XYLT1: variants seen among roughly 807,000 people sequenced by gnomAD.
The protein encoded by XYLT1 is xylosyltransferase 1, also known as beta-D-xylosyltransferase 1.
In XYLT1, 36 loss-of-function variants were observed where a neutral mutation model predicts 91.3. The observed-to-expected ratio is 0.39, with a 90% CI of 0.30 to 0.52. XYLT1 has a LOEUF of 0.52. Ranked by LOEUF, XYLT1 falls within the 20% of genes least tolerant of loss-of-function variation. The probability of loss-of-function intolerance (pLI) is 0.68; values close to 1 mark genes in which losing one functional copy is unlikely to be tolerated. For synonymous variants in XYLT1, 588 were observed against 532.0 expected (o/e 1.11, Z -1.45); for missense variants, 1,242 against 1,284.5 (o/e 0.97, Z 0.51).
chr16:17,303,237 G>A (rs2034423880), intron 2 of XYLT1, among the ~76,000 whole-genome samples: 2 of 152,196 alleles, frequency 1.3e-5, no homozygotes, highest in South Asian at 4.1e-4. Context: ...ACAGCTTTAA[G>A]ACCAAATCTG....
chr16:17,369,282 A>T (rs1467404465), intron 1 of XYLT1, among the ~76,000 whole-genome samples: 1 of 152,104 alleles, frequency 6.6e-6, no homozygotes, highest in Non-Finnish European at 1.5e-5. Flanking sequence ...GGCACATGCT[A>T]CTAAGCCTGG....
chr16:17,184,987 C>T (rs1435965547), intron 5 of XYLT1, among the ~76,000 whole-genome samples: 1 of 152,204 alleles, frequency 6.6e-6, no homozygotes, highest in African/African-American at 2.4e-5. Flanking sequence ...TGTCTTCCAC[C>T]ACATCCTTCC....
chr16:17,208,010 T>C (rs112362305), intron 3 of XYLT1, among the ~76,000 whole-genome samples: 46 of 152,274 alleles, frequency 3.0e-4, no homozygotes, highest in African/African-American at 1.0e-3. Context: ...TTTCAGAGAT[T>C]GAGTCTTGCT....
intron 1 of XYLT1, among the ~76,000 whole-genome samples, chr16:17,389,905 G>A (rs1220818327): frequency 6.6e-6 from 1 of 152,164 alleles, no homozygotes; most frequent in East Asian, 1.9e-4. Context: ...TAGTCAACTA[G>A]AAATTCATTT....
Position 17,141,194 on chromosome 16 carries a change from T to C in XYLT1, c.1546A>G (p.Lys516Glu), listed in dbSNP as rs1317621357. ...VTFSTDDLVT[K>E]MKQFYSYTLL... ...GTGTAGGAGTAGAACTGTTTCATCT[T>C]GGTCACCAGATCGTCTGTGGAGAAG... The change falls in exon 7 of 12, where the codon AAG (lysine) becomes GAG (glutamate). Residue 516 changes from lysine (K) to glutamate (E), a missense_variant. Physicochemically the swap from Lys to Glu is moderately conservative, Grantham distance 56. This residue lies in a region of XYLT1 where 294 missense variants were observed against 376.0 expected (regional missense o/e 0.78). Transcript: ENST00000261381. The C allele has an allele frequency of 1.2e-6, 2 of 1,614,234 alleles. No homozygotes were observed. Among genetic ancestry groups the C allele is most frequent in the South Asian group, 1.1e-5 (1 of 91,088 alleles).
intron 3 of XYLT1, among the ~76,000 whole-genome samples, chr16:17,243,712 GCAAT>G (rs2033386180): frequency 6.6e-6 from 1 of 152,192 alleles, no homozygotes; most frequent in Non-Finnish European, 1.5e-5. Flanking sequence ...GCAACGGTCA[GCAAT>G]CAATGTGAGG....
intron 1 of XYLT1, among the ~76,000 whole-genome samples, chr16:17,444,516 T>TC: frequency 6.6e-6 from 1 of 151,000 alleles, no homozygotes; most frequent in South Asian, 2.1e-4. Flanking sequence ...CTTCTTCTTT[T>TC]TTTTTTTTTT....
At chr16:17,349,602 C>T (rs2035192387) in intron 2 of XYLT1, among the ~76,000 whole-genome samples, 1 of 151,622 alleles carries the variant, frequency 6.6e-6, no homozygotes, top group African/African-American at 2.4e-5. Context: ...AATCTTGCTG[C>T]CTTTGCTACC....
rs1567327506 is a variant in XYLT1, at chr16:17,217,963, A to AT, written c.914-17310_914-17309insA. Among the ~76,000 whole-genome samples, 6 of 151,902 alleles carry AT rather than the reference A, an allele frequency of 3.9e-5. No individual in the cohort carries two copies. The East Asian group carries it at 5.8e-4, about 15-fold the overall frequency. On this transcript the variant is annotated intron_variant, in intron 3 of 11. Transcript: ENST00000261381. ...TTTTGAATAATAATAATAATAAAAA[A>AT]AAAAAAAGACAAAAAACGTTGGGGG...
At position 17,307,980 on chromosome 16, in the gene XYLT1, A is replaced by G. The variant is rs554295305; in HGVS notation, c.403-48482T>C. ...AGAGAGACTTGCTATTGGGTATTCT[A>G]TGGACTGCAGATCCATTCCCCACTC... On this transcript the variant is annotated intron_variant, in intron 2 of 11. Coordinates refer to ENST00000261381, the MANE Select transcript of XYLT1 (RefSeq NM_022166.4). Among the ~76,000 whole-genome samples, 20 of 152,262 alleles carry G rather than the reference A, an allele frequency of 1.3e-4. No homozygotes were observed. In the East Asian group the frequency reaches 3.7e-3, roughly 28 times the overall value.
At chr16:17,402,267 C>A (rs1460410970) in intron 1 of XYLT1, among the ~76,000 whole-genome samples, 2 of 151,968 alleles carry the variant, frequency 1.3e-5, no homozygotes, top group Admixed American at 6.6e-5. Context: ...CTGCAGTGAG[C>A]CGTCATTGCC....
intron 3 of XYLT1, among the ~76,000 whole-genome samples, chr16:17,216,616 C>T (rs937604509): frequency 5.9e-5 from 9 of 152,116 alleles, no homozygotes; most frequent in African/African-American, 1.4e-4. Context: ...ATTTACTTTG[C>T]GCTGGTCACT....
At chr16:17,322,316 G>C (rs1261230647) in intron 2 of XYLT1, among the ~76,000 whole-genome samples, 1 of 152,172 alleles carries the variant, frequency 6.6e-6, no homozygotes, top group Non-Finnish European at 1.5e-5. Context: ...GTACCTACCA[G>C]GCAGTGCTCT....
chr16:17,376,376 AGC>A (rs1166047541), intron 1 of XYLT1, among the ~76,000 whole-genome samples: 1 of 152,220 alleles, frequency 6.6e-6, no homozygotes, highest in Non-Finnish European at 1.5e-5. Context: ...AACCACAGCC[AGC>A]CAAGCTTGCA....
intron 5 of XYLT1, among the ~76,000 whole-genome samples, chr16:17,180,008 G>A (rs1311614559): frequency 1.3e-5 from 2 of 152,228 alleles, no homozygotes; most frequent in East Asian, 1.9e-4. Context: ...GGGTAGCTGA[G>A]CATCTGCTCA....
chr16:17,455,483 G>A (rs2036728193), intron 1 of XYLT1, among the ~76,000 whole-genome samples: 1 of 152,072 alleles, frequency 6.6e-6, no homozygotes, highest in Non-Finnish European at 1.5e-5. Context: ...GGGCACAGCA[G>A]CTCACACCTG....
At chr16:17,434,763 G>A (rs1018211311) in intron 1 of XYLT1, among the ~76,000 whole-genome samples, 1 of 152,138 alleles carries the variant, frequency 6.6e-6, no homozygotes, top group South Asian at 2.1e-4. Flanking sequence ...AGCTACTTGG[G>A]AGGCTGATGT....
At chr16:17,348,422 C>T (rs536183719) in intron 2 of XYLT1, among the ~76,000 whole-genome samples, 3 of 152,214 alleles carry the variant, frequency 2.0e-5, no homozygotes, top group African/African-American at 7.2e-5. Flanking sequence ...GTATGGGAGT[C>T]ACAGCCAGCA....
chr16:17,235,070 AAAG>A (rs1425493034), intron 3 of XYLT1, among the ~76,000 whole-genome samples: 1 of 152,134 alleles, frequency 6.6e-6, no homozygotes, highest in Non-Finnish European at 1.5e-5. Context: ...GAAAAAAAAA[AAAG>A]TAGAGTCATC....
Sources: gnomAD v4.1 joint callset for allele counts (sites outside exome capture counted in the v4.1 genomes callset) on GRCh38, gnomAD v4.1.1 for gene constraint, gnomAD v4.1.1 regional missense constraint, MANE v1.5 for transcripts, NCBI Gene and HGNC (gene_info 2026-07-23, HGNC 2026-07-21) for gene names.